C8orf34: variants seen among roughly 807,000 people sequenced by gnomAD.
C8orf34 encodes uncharacterized protein C8orf34.
A neutral mutation model predicts 68.3 loss-of-function variants in C8orf34; 65 were observed. That is an observed-to-expected ratio of 0.95 (90% CI 0.78 to 1.17). The LOEUF is 1.17. Ranked by LOEUF, C8orf34 falls within the 50% of genes most tolerant of loss-of-function variation. C8orf34 has a pLI of 0.00. For synonymous variants in C8orf34, 244 were observed against 241.2 expected (o/e 1.01, Z -0.11); for missense variants, 664 against 655.4 (o/e 1.01, Z -0.14).
intron 7 of C8orf34, among the ~76,000 whole-genome samples, chr8:68,563,161 G>T (rs1400489938): frequency 6.6e-6 from 1 of 152,066 alleles, no homozygotes; most frequent in African/African-American, 2.4e-5. Flanking sequence ...AAGTTTCAGA[G>T]AAATTGCTTA....
intron 8 of C8orf34, among the ~76,000 whole-genome samples, chr8:68,658,408 C>A (rs1819572901): frequency 6.6e-6 from 1 of 152,008 alleles, no homozygotes; most frequent in Admixed American, 6.6e-5. Flanking sequence ...ATGTCTTTGC[C>A]ATTAATATGT....
At chr8:68,505,363 C>A (rs546051097) in intron 5 of C8orf34, among the ~76,000 whole-genome samples, 4 of 152,220 alleles carry the variant, frequency 2.6e-5, no homozygotes, top group Non-Finnish European at 5.9e-5. Context: ...TCAAAGAATG[C>A]CAGTAGCTGG....
chr8:68,607,845 T>C (rs1035339854), intron 7 of C8orf34, among the ~76,000 whole-genome samples: 2 of 152,054 alleles, frequency 1.3e-5, no homozygotes, highest in African/African-American at 4.8e-5. Context: ...GTAGTCTTGA[T>C]TATGTTTTGG....
At chr8:68,534,618 T>A in intron 7 of C8orf34, 2 of 985,294 alleles carry the variant, frequency 2.0e-6, no homozygotes, top group Non-Finnish European at 2.4e-6. Context: ...GAAAAGCAAA[T>A]AGATGTAAGC....
At chr8:68,801,239 G>A (rs1824317858) in intron 12 of C8orf34, among the ~76,000 whole-genome samples, 1 of 152,090 alleles carries the variant, frequency 6.6e-6, no homozygotes. Context: ...GCTTTGTTTG[G>A]CCAGAACAAT....
intron 3 of C8orf34, among the ~76,000 whole-genome samples, chr8:68,461,308 C>T (rs1008502495): frequency 4.6e-5 from 7 of 152,182 alleles, no homozygotes; most frequent in Non-Finnish European, 1.0e-4. Flanking sequence ...ACCAAATCTA[C>T]ATCTGATTGG....
chr8:68,428,170 A>G (rs1047945560), intron 1 of C8orf34, among the ~76,000 whole-genome samples: 1 of 151,864 alleles, frequency 6.6e-6, no homozygotes, highest in Admixed American at 6.6e-5. Context: ...GCAAATAAAG[A>G]TATTTCTGTG....
Position 68,533,083 on chromosome 8 carries a change from C to T in C8orf34, c.1039C>T (p.His347Tyr), listed in dbSNP as rs1815316563. 6 of 1,613,482 alleles carry T rather than the reference C, an allele frequency of 3.7e-6. No homozygotes were observed. Among genetic ancestry groups the T allele is most frequent in the Non-Finnish European group, 5.1e-6 (6 of 1,179,602 alleles). Residue 347 changes from histidine (H) to tyrosine (Y), a missense_variant, in exon 7 of 14, where the codon CAC becomes TAC. His to Tyr is a moderately conservative substitution (Grantham distance 83). Coordinates refer to ENST00000518698, the MANE Select transcript of C8orf34 (RefSeq NM_052958.4). ...MLSQDSFESI[H>Y]SPTPSVTEED... ...CTCTCAAGATTCTTTTGAGTCCATC[C>T]ACAGCCCTACCCCATCTGTAACAGA...
intron 10 of C8orf34, among the ~76,000 whole-genome samples, chr8:68,770,109 T>C (rs368671806): frequency 8.5e-5 from 13 of 152,318 alleles, no homozygotes; most frequent in African/African-American, 2.4e-4. Context: ...TCAATAGAGA[T>C]ACACATATTT....
At chr8:68,607,225 G>A (rs765212598) in intron 7 of C8orf34, among the ~76,000 whole-genome samples, 6 of 152,042 alleles carry the variant, frequency 3.9e-5, no homozygotes, top group Non-Finnish European at 5.9e-5. Flanking sequence ...TCCCTGCAAT[G>A]AATAATAAAA....
intron 10 of C8orf34, among the ~76,000 whole-genome samples, chr8:68,761,764 T>C (rs747790675): frequency 6.6e-6 from 1 of 152,206 alleles, no homozygotes; most frequent in Non-Finnish European, 1.5e-5. Flanking sequence ...AAATAGCTTT[T>C]TTAGTAGCTT....
At chr8:68,673,095 T>C (rs999634299) in intron 8 of C8orf34, among the ~76,000 whole-genome samples, 1 of 152,160 alleles carries the variant, frequency 6.6e-6, no homozygotes, top group South Asian at 2.1e-4. Flanking sequence ...ACTAAAGAGC[T>C]CTTGGGCCCT....
chr8:68,788,662 C>T (rs971224969), intron 12 of C8orf34, among the ~76,000 whole-genome samples: 1 of 152,088 alleles, frequency 6.6e-6, no homozygotes, highest in African/African-American at 2.4e-5. Context: ...AGATGGAGAC[C>T]ATCCAGGCCA....
chr8:68,705,309 G>C (rs1821131406), intron 8 of C8orf34, among the ~76,000 whole-genome samples: 2 of 152,182 alleles, frequency 1.3e-5, no homozygotes, highest in Non-Finnish European at 1.5e-5. Context: ...GATTAGAATG[G>C]GAAAAGGAGG....
chr8:68,791,698 C>T (rs1823998210), intron 12 of C8orf34: 1 of 152,120 alleles, frequency 6.6e-6, no homozygotes, highest in African/African-American at 2.4e-5. Context: ...TAAGACTTCC[C>T]CACTTGGGTT....
intron 1 of C8orf34, among the ~76,000 whole-genome samples, chr8:68,353,319 G>T (rs1227593623): frequency 6.6e-6 from 1 of 152,000 alleles, no homozygotes; most frequent in Non-Finnish European, 1.5e-5. Flanking sequence ...CTAAATAAAT[G>T]GATGAGCACT....
At chr8:68,811,640 A>T (rs1029125533) in intron 12 of C8orf34, among the ~76,000 whole-genome samples, 1 of 152,218 alleles carries the variant, frequency 6.6e-6, no homozygotes, top group Admixed American at 6.5e-5. Context: ...GAATCATAGC[A>T]TTCCATTTCT....
intron 1 of C8orf34, among the ~76,000 whole-genome samples, chr8:68,377,288 T>A (rs1205955213): frequency 2.0e-5 from 3 of 152,088 alleles, no homozygotes; most frequent in Non-Finnish European, 4.4e-5. Context: ...GTCTCAGCTA[T>A]TCAGGGGGCT....
chr8:68,334,565 A>G (rs376867352), intron 1 of C8orf34, among the ~76,000 whole-genome samples: 3 of 152,070 alleles, frequency 2.0e-5, no homozygotes, highest in East Asian at 3.9e-4. Flanking sequence ...GCAGTTATAT[A>G]TCTTGGTTCA....
Sources: allele counts gnomAD v4.1 joint callset (sites outside exome capture counted in the v4.1 genomes callset), GRCh38; gene constraint gnomAD v4.1.1; transcripts MANE v1.5; gene names NCBI Gene and HGNC (gene_info 2026-07-23, HGNC 2026-07-21).